Variants in FRMD4A observed in about 807,000 individuals in gnomAD.
The protein encoded by FRMD4A is FERM domain-containing protein 4A.
Under a neutral mutation model 129.1 loss-of-function variants are expected in FRMD4A, and 29 were observed. The observed-to-expected ratio is 0.22, with a 90% CI of 0.17 to 0.31. The LOEUF (loss-of-function observed/expected upper bound fraction) is 0.31, where lower values mean the gene tolerates loss of function less well. FRMD4A is among the 10% of genes least tolerant of loss of function. The pLI, the probability that FRMD4A is intolerant of heterozygous loss-of-function variation, is 1.00. For synonymous variants in FRMD4A, 634 were observed against 571.6 expected (o/e 1.11, Z -1.56); for missense variants, 1,272 against 1,375.8 (o/e 0.92, Z 1.19).
chr10:13,993,155 G>C (rs1473291868), intron 2 of FRMD4A, among the ~76,000 whole-genome samples: 2 of 152,118 alleles, frequency 1.3e-5, no homozygotes, highest in African/African-American at 4.8e-5. Context: ...CTGAAGAGTT[G>C]CATCTCTGCT....
chr10:14,272,311 G>A (rs927158353), intron 2 of FRMD4A, among the ~76,000 whole-genome samples: 13 of 152,172 alleles, frequency 8.5e-5, no homozygotes, highest in Non-Finnish European at 2.9e-5. Context: ...CCATTGGCCA[G>A]AAGGAATCAC....
At chr10:13,975,089 G>A (rs1443785738) in intron 2 of FRMD4A, among the ~76,000 whole-genome samples, 6 of 151,852 alleles carry the variant, frequency 4.0e-5, no homozygotes, top group Non-Finnish European at 1.5e-5. Flanking sequence ...GTGTGCCTGT[G>A]GGTATGTGTG....
chr10:14,145,124 A>G (rs1225533477), intron 2 of FRMD4A, among the ~76,000 whole-genome samples: 1 of 152,222 alleles, frequency 6.6e-6, no homozygotes, highest in Non-Finnish European at 1.5e-5. Context: ...GAACAAACAC[A>G]GGCAGGTGAG....
At chr10:13,911,578 T>C (rs1282910716) in intron 2 of FRMD4A, among the ~76,000 whole-genome samples, 2 of 152,222 alleles carry the variant, frequency 1.3e-5, no homozygotes, top group Non-Finnish European at 2.9e-5. Context: ...TATTTTTATT[T>C]TGGAGACAGA....
At position 13,706,143 on chromosome 10, in the gene FRMD4A, G is replaced by A. The variant is rs1011513842; in HGVS notation, c.836+894C>T. Reference sequence around the variant, plus strand: ...AGCCCAGGGCTGGAGCGTCAACAGCGCCTAAAACCCACTTTTGCTCCTCTG... The same window carrying A: ...AGCCCAGGGCTGGAGCGTCAACAGCACCTAAAACCCACTTTTGCTCCTCTG... On this transcript the variant is annotated intron_variant, in intron 13 of 24. Coordinates refer to ENST00000357447, the MANE Select transcript of FRMD4A (RefSeq NM_018027.5). 5.9e-5 allele frequency among the ~76,000 whole-genome samples: 9 copies of A among 152,260 alleles called. No homozygotes were observed. The East Asian group carries it at 1.2e-3, about 20-fold the overall frequency.
intron 3 of FRMD4A, among the ~76,000 whole-genome samples, chr10:13,834,687 C>T (rs41506144): frequency 2.6e-5 from 4 of 152,116 alleles, no homozygotes; most frequent in African/African-American, 9.7e-5. Context: ...TTACAAAGCA[C>T]GTCAGGAGAA....
At position 13,720,520 on chromosome 10, in the gene FRMD4A, G is replaced by A. The variant is rs77211138; in HGVS notation, c.760-13407C>T. Among the ~76,000 whole-genome samples, 1,271 of 152,296 alleles carry A rather than the reference G, an allele frequency of 8.3e-3. 17 individuals are homozygous for A. The highest frequency in any genetic ancestry group is 0.029 in the African/African-American group (1,211 of 41,566). Reference sequence around the variant, plus strand: ...TACCATGGACCTGGCACTGTGTCAGGCACTGAGGATACAGCAGTGTATCCT... The same window carrying A: ...TACCATGGACCTGGCACTGTGTCAGACACTGAGGATACAGCAGTGTATCCT... On this transcript the variant is annotated intron_variant, in intron 12 of 24. Transcript: ENST00000357447.
intron 2 of FRMD4A, among the ~76,000 whole-genome samples, chr10:14,077,046 A>G (rs1171794194): frequency 6.6e-6 from 1 of 152,154 alleles, no homozygotes; most frequent in East Asian, 1.9e-4. Context: ...AGCCTCTCAC[A>G]GAGGTCCTGG....
intron 2 of FRMD4A, among the ~76,000 whole-genome samples, chr10:13,997,152 T>C (rs1292125203): frequency 6.6e-6 from 1 of 152,214 alleles, no homozygotes; most frequent in Non-Finnish European, 1.5e-5. Context: ...CTTGCCTTTT[T>C]TTTTGCATGG....
At chr10:14,039,808 A>AC (rs57667866) in intron 2 of FRMD4A, among the ~76,000 whole-genome samples, 23,480 of 152,020 alleles carry the variant, frequency 0.15, 2,191 homozygotes, top group African/African-American at 0.26. Context: ...ACCAAGCTGT[A>AC]CCCAACCACC....
At chr10:13,725,330 G>C (rs1011383969) in intron 12 of FRMD4A, among the ~76,000 whole-genome samples, 3 of 152,204 alleles carry the variant, frequency 2.0e-5, no homozygotes, top group African/African-American at 7.2e-5. Context: ...CAGGCCTGGA[G>C]ACTGACTTCA....
At chr10:14,217,492 C>A (rs747709457) in intron 2 of FRMD4A, among the ~76,000 whole-genome samples, 46 of 152,318 alleles carry the variant, frequency 3.0e-4, no homozygotes, top group Non-Finnish European at 3.7e-4. Flanking sequence ...AAAGATGTAC[C>A]TTTCACCTTC....
At chr10:13,716,190 G>T (rs2088786016) in intron 12 of FRMD4A, among the ~76,000 whole-genome samples, 1 of 152,112 alleles carries the variant, frequency 6.6e-6, no homozygotes, top group Non-Finnish European at 1.5e-5. Flanking sequence ...TATTCTCTTT[G>T]GGGTTGTTTA....
chr10:13,728,595 T>C (rs1370260509), intron 12 of FRMD4A, among the ~76,000 whole-genome samples: 1 of 146,454 alleles, frequency 6.8e-6, no homozygotes, highest in Non-Finnish European at 1.5e-5. Flanking sequence ...TTTTTTGAGA[T>C]GGAGTCTTGC....
chr10:14,179,695 T>C (rs1252309987), intron 2 of FRMD4A, among the ~76,000 whole-genome samples: 1 of 152,246 alleles, frequency 6.6e-6, no homozygotes, highest in South Asian at 2.1e-4. Flanking sequence ...TATATAGCGA[T>C]TAACATTCTT....
chr10:14,101,263 G>C (rs761760792), intron 2 of FRMD4A, among the ~76,000 whole-genome samples: 22 of 152,154 alleles, frequency 1.4e-4, no homozygotes, highest in African/African-American at 4.6e-4. Flanking sequence ...GGATCTCCCA[G>C]AACTTTCTAC....
chr10:13,751,019 C>A (rs558254437), intron 8 of FRMD4A, among the ~76,000 whole-genome samples: 1 of 152,316 alleles, frequency 6.6e-6, no homozygotes, highest in Non-Finnish European at 1.5e-5. Context: ...ACACAGAGGG[C>A]TGGCTTCAAT....
At chr10:13,749,432 T>C (rs1242669620) in intron 8 of FRMD4A, among the ~76,000 whole-genome samples, 2 of 152,046 alleles carry the variant, frequency 1.3e-5, no homozygotes, top group Non-Finnish European at 2.9e-5. Flanking sequence ...ACCGCAGCCA[T>C]AGAGGGGAGT....
At chr10:13,724,473 G>C (rs2089730715) in intron 12 of FRMD4A, among the ~76,000 whole-genome samples, 1 of 152,184 alleles carries the variant, frequency 6.6e-6, no homozygotes, top group Non-Finnish European at 1.5e-5. Context: ...TCCAGCTAGA[G>C]AAACCAGATC....
Sources: gnomAD v4.1 joint callset for allele counts (sites outside exome capture counted in the v4.1 genomes callset) on GRCh38, gnomAD v4.1.1 for gene constraint, MANE v1.5 for transcripts, NCBI Gene and HGNC (gene_info 2026-07-23, HGNC 2026-07-21) for gene names.